Variants in BPIFA2 observed in about 807,000 individuals in gnomAD.
BPIFA2 encodes BPI fold containing family A member 2, also known as BPI fold-containing family A member 2.
A neutral mutation model predicts 25.7 loss-of-function variants in BPIFA2; 20 were observed. The ratio of observed to expected loss-of-function variants is 0.78; its 90% CI spans 0.55 to 1.13. The LOEUF (loss-of-function observed/expected upper bound fraction) is 1.13, where lower values mean the gene tolerates loss of function less well. BPIFA2 is among the 50% of genes most tolerant of loss of function. The pLI, the probability that BPIFA2 is intolerant of heterozygous loss-of-function variation, is 0.00. For synonymous variants in BPIFA2, 126 were observed against 124.3 expected (o/e 1.01, Z -0.09); for missense variants, 300 against 298.1 (o/e 1.01, Z -0.05).
intron 5 of BPIFA2, among the ~76,000 whole-genome samples, chr20:33,177,437 G>A (rs1163881539): frequency 1.3e-5 from 2 of 152,078 alleles, no homozygotes; most frequent in Non-Finnish European, 2.9e-5. Context: ...GATTGGTGAT[G>A]ACAGACAAGG....
At chr20:33,172,776 T>C (rs185238711) in intron 2 of BPIFA2, among the ~76,000 whole-genome samples, 156 bp from the exon 3 acceptor site, 1 of 152,278 alleles carries the variant, frequency 6.6e-6, no homozygotes, top group East Asian at 1.9e-4. Context: ...TTTATTTCCT[T>C]AGCTATAAAA....
upstream of BPIFA2, among the ~76,000 whole-genome samples, chr20:33,167,328 C>T (rs1333989495): frequency 1.3e-5 from 2 of 152,210 alleles, no homozygotes; most frequent in East Asian, 1.9e-4. Flanking sequence ...CCCAATGCAG[C>T]AGGCGTTACA....
chr20:33,175,467 A>G lies in BPIFA2; in HGVS notation c.471A>G (p.Thr157=). 6.2e-7 allele frequency: 1 copy of G among 1,614,078 alleles called. No individual in the cohort carries two copies. Among genetic ancestry groups the G allele is most frequent in the Non-Finnish European group, 8.5e-7 (1 of 1,179,966 alleles). The change falls in exon 5 of 9, where the codon ACA becomes ACG. Residue 157 remains threonine, a synonymous_variant. Transcript: ENST00000354932. ...KASLDLLTAV[T]IETDPQTHQP... ...CCTTGGACCTCCTGACCGCAGTCAC[A>G]ATTGAAACTGATCCCCAGACACACC...
At chr20:33,164,204 G>T (rs923610628), upstream of BPIFA2, among the ~76,000 whole-genome samples, 1 of 152,190 alleles carries the variant, frequency 6.6e-6, no homozygotes, top group Non-Finnish European at 1.5e-5. Context: ...TAAAGTGAAT[G>T]AACAATAAAT....
chr20:33,179,750 C>G (rs906207149), intron 7 of BPIFA2, 83 bp downstream of exon 7: 1 of 1,377,786 alleles, frequency 7.3e-7, no homozygotes, highest in African/African-American at 1.5e-5. Context: ...GTCAGGGGAC[C>G]CTGGAGAAGC....
At chr20:33,179,721 C>A in intron 7 of BPIFA2, 54 bp downstream of exon 7, 1 of 1,495,162 alleles carries the variant, frequency 6.7e-7, no homozygotes, top group Non-Finnish European at 9.3e-7. Context: ...GCTCTGTGCC[C>A]ACCCCATAAG....
chr20:33,163,673 T>C (rs940083608), upstream of BPIFA2, among the ~76,000 whole-genome samples: 1 of 151,994 alleles, frequency 6.6e-6, no homozygotes, highest in Non-Finnish European at 1.5e-5. Context: ...AATACAAAAA[T>C]TAGCAGGGTG....
chr20:33,176,710 A>G (rs535686061), intron 5 of BPIFA2, among the ~76,000 whole-genome samples: 2 of 152,252 alleles, frequency 1.3e-5, no homozygotes, highest in East Asian at 3.9e-4. Flanking sequence ...TTGTGGTTCA[A>G]TCCCAAGTGC....
At chr20:33,162,494 C>A (rs1302038843) in intron 1 of BPIFA2, among the ~76,000 whole-genome samples, 4 of 152,218 alleles carry the variant, frequency 2.6e-5, no homozygotes, top group Non-Finnish European at 5.9e-5. Context: ...GAGGCTCTGC[C>A]CTCTTTCCCA....
chr20:33,164,041 G>A (rs1026084163), upstream of BPIFA2, among the ~76,000 whole-genome samples: 4 of 152,186 alleles, frequency 2.6e-5, no homozygotes, highest in East Asian at 1.9e-4. Context: ...GACATGGGCC[G>A]ATCGAATCAG....
chr20:33,163,692 C>T (rs1983642323), upstream of BPIFA2, among the ~76,000 whole-genome samples: 1 of 152,082 alleles, frequency 6.6e-6, no homozygotes, highest in Non-Finnish European at 1.5e-5. Context: ...TGTGGTGGTG[C>T]ATGCTTGTAA....
At chr20:33,176,094 C>T (rs992603354) in intron 5 of BPIFA2, among the ~76,000 whole-genome samples, 1 of 152,082 alleles carries the variant, frequency 6.6e-6, no homozygotes, top group African/African-American at 2.4e-5. Context: ...TTATATTTAC[C>T]TTCTTGCCTC....
chr20:33,172,995 C>A lies in BPIFA2; in HGVS notation c.221C>A (p.Ala74Asp), dbSNP rs1227729507. Residue 74 changes from alanine to aspartate, a missense_variant, in exon 3 of 9, where the codon GCC becomes GAC. By Grantham distance (126) the Ala-to-Asp change is moderately radical. Coordinates refer to ENST00000354932, the MANE Select transcript of BPIFA2 (RefSeq NM_080574.4). ...VLQKSSAWQLAKQKAQEAEKL... is the reference protein window; with the variant it reads ...VLQKSSAWQLDKQKAQEAEKL... ...CAGAAATCCAGTGCTTGGCAACTGGCCAAGCAGAAGGCCCAGGAAGCTGAG... is the reference window on the plus strand; with the variant it reads ...CAGAAATCCAGTGCTTGGCAACTGGACAAGCAGAAGGCCCAGGAAGCTGAG... 5 of 1,613,892 alleles carry A rather than the reference C, an allele frequency of 3.1e-6. No homozygotes were observed. The African/African-American group carries it at 6.7e-5, about 22-fold the overall frequency.
At position 33,179,595 on chromosome 20, in the gene BPIFA2, C is replaced by T. The variant is rs776218342; in HGVS notation, c.646-9C>T. ...CTGACCCTCCTCTTCCTCCTTTCTC[C>T]GCTGTCAGATATGTCCACTGATCCG... is the stretch of plus-strand genomic sequence containing the variant. On this transcript the variant is annotated splice_polypyrimidine_tract_variant and intron_variant, in intron 6 of 8. Transcript: ENST00000354932. 61 of 1,601,134 alleles carry T rather than the reference C, an allele frequency of 3.8e-5. No homozygotes were observed. The highest frequency in any genetic ancestry group is 5.5e-5 in the South Asian group (5 of 90,926).
intron 2 of BPIFA2, 66 bp from the exon 3 acceptor site, chr20:33,172,866 G>A: frequency 6.5e-7 from 1 of 1,543,998 alleles, no homozygotes; most frequent in Non-Finnish European, 8.8e-7. Flanking sequence ...GTCTTACCCG[G>A]TACCTGGAGC....
At chr20:33,169,769 A>AT (rs1983839372) in intron 2 of BPIFA2, among the ~76,000 whole-genome samples, 1 of 152,150 alleles carries the variant, frequency 6.6e-6, no homozygotes, top group Non-Finnish European at 1.5e-5. Context: ...GTACTTACAT[A>AT]TTTTAACTTG....
chr20:33,174,666 T>A (rs998824075), intron 4 of BPIFA2, among the ~76,000 whole-genome samples: 2 of 152,158 alleles, frequency 1.3e-5, no homozygotes, highest in Non-Finnish European at 2.9e-5. Flanking sequence ...ATCCCAGCAA[T>A]TTGAGAAACT....
At chr20:33,164,165 T>A (rs916354681), upstream of BPIFA2, among the ~76,000 whole-genome samples, 1 of 152,070 alleles carries the variant, frequency 6.6e-6, no homozygotes, top group Non-Finnish European at 1.5e-5. Flanking sequence ...AAAGCATGAG[T>A]GGCTCCAGCA....
At chr20:33,162,668 G>C (rs940472388) in intron 1 of BPIFA2, among the ~76,000 whole-genome samples, 19 of 152,244 alleles carry the variant, frequency 1.2e-4, no homozygotes, top group African/African-American at 4.6e-4. Flanking sequence ...TGCAGGCCCA[G>C]AGAGGCAATG....
Sources: gnomAD v4.1 joint callset for allele counts (sites outside exome capture counted in the v4.1 genomes callset) on GRCh38, gnomAD v4.1.1 for gene constraint, MANE v1.5 for transcripts, NCBI Gene and HGNC (gene_info 2026-07-23, HGNC 2026-07-21) for gene names.